Variants in TET1 observed in about 807,000 individuals in gnomAD.
TET1 encodes the protein tet methylcytosine dioxygenase 1.
A neutral mutation model predicts 148.7 loss-of-function variants in TET1; 13 were observed. The observed-to-expected ratio is 0.09, with a 90% CI of 0.06 to 0.14. TET1 has a LOEUF of 0.14. Ranked by LOEUF, TET1 falls within the 10% of genes least tolerant of loss-of-function variation. The probability of loss-of-function intolerance (pLI) is 1.00; values close to 1 mark genes in which losing one functional copy is unlikely to be tolerated. For missense variants in TET1, 2,182 were observed against 2,553.8 expected, an observed-to-expected ratio of 0.85 and a Z score of 3.14; for synonymous variants, 907 against 937.2, an observed-to-expected ratio of 0.97 and a Z score of 0.59.
chr10:68,593,915 A>ATTTT (rs3998851), intron 2 of TET1, among the ~76,000 whole-genome samples: 3,586 of 44,734 alleles, frequency 0.08, 1,077 homozygotes, highest in Non-Finnish European at 0.1. Context: ...CGCCTGAGCT[A>ATTTT]TTTTTTTTTT....
Position 68,572,439 on chromosome 10 carries a change from C to T in TET1, c.101C>T (p.Ala34Val), listed in dbSNP as rs759674654. ...NSQLRKTTKG[A>V]NKNVASVKTL... ...CAACTACGAAAGACAACCAAGGGAG[C>T]CAACAAAAATGTGGCATCAGTCAAG... The change falls in exon 2 of 12, where the codon GCC (alanine) becomes GTC (valine). Residue 34 changes from alanine (A) to valine (V), a missense_variant. Coordinates refer to ENST00000373644, the MANE Select transcript of TET1 (RefSeq NM_030625.3). 1.2e-5 allele frequency: 20 copies of T among 1,613,802 alleles called. No homozygotes were observed. The highest frequency in any genetic ancestry group is 1.6e-5 in the Non-Finnish European group (19 of 1,179,974).
rs893451548 is a variant in TET1 at position 68,693,253 on chromosome 10, G to A, written c.*1439G>A. 2.2e-5 allele frequency: 5 copies of A among 232,264 alleles called. No individual in the cohort carries two copies. The highest frequency in any genetic ancestry group is 1.1e-4 in the Admixed American group (2 of 17,648). 14.4% of individuals were successfully genotyped at this position (232,264 alleles called of 1,614,324 possible). A position where few individuals can be genotyped will look rare whatever the true frequency, so the allele number is the denominator to read the frequency against. ...AAGGATTACCCAAACAACATGTTTC[G>A]AACAAGGAGAATTTTCAATGAAATA... is the stretch of plus-strand genomic sequence containing the variant. On this transcript the variant is annotated 3_prime_UTR_variant, in exon 12 of 12. Transcript: ENST00000373644.
intron 6 of TET1, among the ~76,000 whole-genome samples, chr10:68,657,913 G>C (rs1214374620): frequency 2.0e-5 from 3 of 152,122 alleles, no homozygotes; most frequent in Non-Finnish European, 2.9e-5. Context: ...TTATCATGAG[G>C]TTATTTTGAA....
intron 3 of TET1, among the ~76,000 whole-genome samples, chr10:68,630,127 G>A (rs1322063071): frequency 6.6e-6 from 1 of 152,210 alleles, no homozygotes; most frequent in African/African-American, 2.4e-5. Context: ...AGGAGTATGA[G>A]TAGAGGACAC....
chr10:68,585,000 T>G (rs1206919371), intron 2 of TET1, among the ~76,000 whole-genome samples: 1 of 151,542 alleles, frequency 6.6e-6, no homozygotes, highest in African/African-American at 2.4e-5. Flanking sequence ...TTTTTGTGTT[T>G]TTGTTTTGTT....
At chr10:68,624,658 T>TTCTTTCTTTCTTTCTC (rs1397280418) in intron 3 of TET1, among the ~76,000 whole-genome samples, 1 of 95,276 alleles carries the variant, frequency 1.0e-5, no homozygotes, top group African/African-American at 3.9e-5. Flanking sequence ...CTTTCTTTCT[T>TTCTTTCTTTCTTTCTC]TCTCTCTCTC....
chr10:68,581,880 C>T (rs1189209296), intron 2 of TET1, among the ~76,000 whole-genome samples: 1 of 151,600 alleles, frequency 6.6e-6, no homozygotes, highest in East Asian at 1.9e-4. Flanking sequence ...GGACTATATC[C>T]CTGAAGATAG....
rs182612347 is a variant in TET1 at position 68,632,704 on chromosome 10, C to T, written c.1969-11994C>T. ...TACCCACCTCGATCCTGAAAGAAAA[C>T]ACAACGGCGGCAGCAGCAATTGAAC... On this transcript the variant is annotated intron_variant, in intron 3 of 11. Transcript: ENST00000373644. 2.3e-4 allele frequency: 378 copies of T among 1,609,342 alleles called. 3 individuals carry two copies. In the Admixed American group the frequency reaches 6.1e-3, roughly 26 times the overall value.
Position 68,573,073 on chromosome 10 carries a change from G to C in TET1, c.735G>C (p.Gln245His). Residue 245 changes from glutamine to histidine, a missense_variant, in exon 2 of 12, where the codon CAG (glutamine) becomes CAC (histidine). This residue lies in a region of TET1 where 665 missense variants were observed against 672.4 expected (regional missense o/e 0.99). Transcript: ENST00000373644. ...DTSGSPKMFA[Q>H]DTVCAPFPQR... Reference sequence around the variant, plus strand: ...GTGGTTCCCCAAAAATGTTTGCTCAGGACACAGTGTGTGCTCCTTTTCCCC... The same window carrying C: ...GTGGTTCCCCAAAAATGTTTGCTCACGACACAGTGTGTGCTCCTTTTCCCC... 1 of 1,614,118 alleles carries C rather than the reference G, an allele frequency of 6.2e-7. No homozygotes were observed.
In TET1 at chr10:68,691,240, T is replaced by C. The variant is rs771132327; in HGVS notation, c.5837T>C (p.Leu1946Pro). Residue 1946 changes from leucine to proline, a missense_variant, in exon 12 of 12, where the codon CTC becomes CCC. This residue lies in a region of TET1 where 380 missense variants were observed against 387.9 expected (regional missense o/e 0.98). Transcript: ENST00000373644. The surrounding 1 kb of genome is among the most constrained non-coding windows in gnomAD (Gnocchi z 4.4). The stretch of plus-strand genomic sequence containing the variant: ...CAGCCAAACCACCAGCCCTCCTTCC[T>C]CACCTCTCCTCAAGACCTTGCCTCT... ...PHQPNHQPSF[L>P]TSPQDLASSP... The C allele has an allele frequency of 6.2e-7, 1 of 1,614,072 alleles. No homozygotes were observed. Among genetic ancestry groups the C allele is most frequent in the Admixed American group, 1.7e-5 (1 of 59,990 alleles).
intron 2 of TET1, among the ~76,000 whole-genome samples, chr10:68,584,600 G>T (rs1319472045): frequency 8.7e-5 from 13 of 149,958 alleles, no homozygotes; most frequent in Admixed American, 5.3e-4. Flanking sequence ...TCCCAGCTAT[G>T]AGGGAGGCTG....
chr10:68,596,872 A>T (rs2053994492), intron 2 of TET1, among the ~76,000 whole-genome samples: 1 of 152,044 alleles, frequency 6.6e-6, no homozygotes, highest in African/African-American at 2.4e-5. Flanking sequence ...GTCAAGTGCA[A>T]TGTTGTATGG....
intron 6 of TET1, among the ~76,000 whole-genome samples, chr10:68,664,413 A>ATT (rs67844953): frequency 2.1e-4 from 32 of 149,608 alleles, no homozygotes; most frequent in African/African-American, 7.1e-4. Context: ...TTATTTTTTT[A>ATT]TTTTTTTTAA....
chr10:68,682,892 C>A lies in TET1; in HGVS notation c.4971C>A (p.Pro1657=), dbSNP rs1246745852. 6.2e-7 allele frequency: 1 copy of A among 1,613,812 alleles called. No individual in the cohort carries two copies. The highest frequency in any genetic ancestry group is 1.7e-5 in the Admixed American group (1 of 59,892). The change falls in exon 10 of 12, where the codon CCC becomes CCA. Residue 1657 remains proline (P), a synonymous_variant. Coordinates refer to ENST00000373644, the MANE Select transcript of TET1 (RefSeq NM_030625.3). ...GGCTTGGCAGCAAGGAAGGTCGTCC[C>A]TTCTCTGGGGTCACTGCTTGCCTGG... is the stretch of plus-strand genomic sequence containing the variant. ...ECRLGSKEGR[P]FSGVTACLDF...
At position 68,691,931 on chromosome 10, in the gene TET1, T is replaced by TA. The variant is rs1252028815; in HGVS notation, c.*124dup. 14 of 1,241,978 alleles carry TA rather than the reference T, an allele frequency of 1.1e-5. No homozygotes were observed. In the African/African-American group the frequency reaches 1.5e-4, roughly 13 times the overall value. The allele number at this position is 1,241,978 out of a possible 1,614,324, so 76.9% of individuals were successfully genotyped here. On this transcript the variant is annotated 3_prime_UTR_variant, in exon 12 of 12. Coordinates refer to ENST00000373644, the MANE Select transcript of TET1 (RefSeq NM_030625.3). The surrounding 1 kb of genome is among the most constrained non-coding windows in gnomAD (Gnocchi z 4.4). The stretch of plus-strand genomic sequence containing the variant: ...CATCTCACCCATTTCAAGTCTGAGG[T>TA]AAAAAAATAATAATGATAACAAAAC...
intron 5 of TET1, 51 bp from the exon 6 acceptor site, chr10:68,652,450 G>T (rs774120218): frequency 7.3e-7 from 1 of 1,371,996 alleles, no homozygotes; most frequent in South Asian, 1.4e-5. Context: ...AAGCCTTCAA[G>T]TACAGATTGC....
rs374219742 is a variant in TET1 at position 68,651,450 on chromosome 10, C to CA, written c.4277-386dup. ...TGGGCGACAGAGCAAGACTCTGTCT[C>CA]AAAAAAAAAAGGGGATTGCTCAATT... On this transcript the variant is annotated intron_variant, in intron 4 of 11. Coordinates refer to ENST00000373644, the MANE Select transcript of TET1 (RefSeq NM_030625.3). Among the ~76,000 whole-genome samples the CA allele has an allele frequency of 8.2e-3, 1,169 of 143,228 alleles. 21 individuals are homozygous for CA. The highest frequency in any genetic ancestry group is 0.027 in the African/African-American group (1,077 of 39,192). The allele number at this position is 143,228 out of a possible 152,430, so 94.0% of individuals were successfully genotyped here.
chr10:68,607,060 C>CA (rs1589070313), intron 3 of TET1, among the ~76,000 whole-genome samples: 1 of 151,874 alleles, frequency 6.6e-6, no homozygotes, highest in East Asian at 1.9e-4. Context: ...TCCAGTGACT[C>CA]AAGACTCATG....
chr10:68,569,266 G>A (rs2053641031), intron 1 of TET1, among the ~76,000 whole-genome samples: 2 of 142,606 alleles, frequency 1.4e-5, no homozygotes, highest in African/African-American at 2.6e-5. Flanking sequence ...TCTGCCTCCC[G>A]GGTTCACGCC....
Sources: gnomAD v4.1 joint callset for allele counts (sites outside exome capture counted in the v4.1 genomes callset) on GRCh38, gnomAD v4.1.1 for gene constraint, gnomAD v4.1.1 regional missense constraint, Gnocchi (gnomAD v3.1) non-coding constraint, MANE v1.5 for transcripts, NCBI Gene and HGNC (gene_info 2026-07-23, HGNC 2026-07-21) for gene names.